Variants in TRAPPC11 observed in about 807,000 individuals in gnomAD.
The protein encoded by TRAPPC11 is trafficking protein particle complex subunit 11.
TRAPPC11 carries 104 observed loss-of-function variants against 151.2 expected under a neutral mutation model. That is an observed-to-expected ratio of 0.69 (90% confidence interval 0.59 to 0.81). The LOEUF is 0.81. Among genes scored for constraint, TRAPPC11 ranks in the 30% least tolerant of loss-of-function variants. The pLI is 0.00. For missense variants in TRAPPC11, 1,230 were observed against 1,349.6 expected (o/e 0.91, Z 1.39); for synonymous variants, 456 against 472.3 (o/e 0.97, Z 0.45).
In TRAPPC11 at chr4:183,665,095, T is replaced by C. The variant is rs568456085; in HGVS notation, c.204+1024T>C. ...ACGATTATTTTTCTTTTCTTTCTTT[T>C]TTTTTTTTTTTTTTTTTGAGACGGA... On this transcript the variant is annotated intron_variant, in intron 2 of 29. Coordinates refer to ENST00000334690, the MANE Select transcript of TRAPPC11 (RefSeq NM_021942.6). Among the ~76,000 whole-genome samples, 1,021 of 141,050 alleles carry C rather than the reference T, an allele frequency of 7.2e-3. 3 individuals are homozygous for C. Among genetic ancestry groups the C allele is most frequent in the Non-Finnish European group, 0.012 (800 of 64,690 alleles). The allele number at this position is 141,050 out of a possible 152,430, so 92.5% of individuals were successfully genotyped here. A position where few individuals can be genotyped will look rare whatever the true frequency, so the allele number is the denominator to read the frequency against.
At chr4:183,712,064 A>G (rs374189100) in intron 29 of TRAPPC11, among the ~76,000 whole-genome samples, 8 of 152,212 alleles carry the variant, frequency 5.3e-5, no homozygotes, top group African/African-American at 1.4e-4. Flanking sequence ...TTATCCTTGC[A>G]GCATGCATTG....
At chr4:183,676,105 G>A (rs1468510920) in intron 7 of TRAPPC11, among the ~76,000 whole-genome samples, 1 of 152,038 alleles carries the variant, frequency 6.6e-6, no homozygotes, top group Non-Finnish European at 1.5e-5. Flanking sequence ...GCACCAAGTT[G>A]TGTTTCCTGA....
intron 10 of TRAPPC11, among the ~76,000 whole-genome samples, chr4:183,681,132 GTA>G (rs919484203): frequency 3.3e-5 from 5 of 151,078 alleles, no homozygotes; most frequent in Non-Finnish European, 5.9e-5. Flanking sequence ...TAAGAACGTG[GTA>G]TATATATATA....
intron 26 of TRAPPC11, 92 bp from the exon 27 acceptor site, chr4:183,704,887 G>GTGAA (rs1428852988): frequency 4.6e-6 from 3 of 654,052 alleles, no homozygotes; most frequent in Non-Finnish European, 8.1e-6. Context: ...AAACTAGCTG[G>GTGAA]TGAATACATG....
Position 183,684,227 on chromosome 4 carries a change from T to G in TRAPPC11, c.1366+4T>G, listed in dbSNP as rs1415484150. The G allele has an allele frequency of 6.2e-7, 1 of 1,613,826 alleles. No homozygotes were observed. The highest frequency in any genetic ancestry group is 1.1e-5 in the South Asian group (1 of 91,076). ...CCGCGAATGAAAAGTCACCTAAGTA[T>G]GTATCCACAAACGTCACCATTGCAT... On this transcript the variant is annotated splice_donor_region_variant and intron_variant, in intron 13 of 29. Transcript: ENST00000334690.
chr4:183,680,327 G>C, intron 10 of TRAPPC11, 60 bp downstream of exon 10: 1 of 1,510,020 alleles, frequency 6.6e-7, no homozygotes. Context: ...TTTGAAAGAA[G>C]CTAGAACTGA....
rs146470172 is a variant in TRAPPC11, at chr4:183,680,233, G to A, written c.1079G>A (p.Arg360Gln). The stretch of plus-strand genomic sequence containing the variant: ...CAGGCAGCATACTATGCCCAGGAGC[G>A]GAAACAGCTTGCAAAAACCCTCTGT... ...YQQAAYYAQE[R>Q]KQLAKTLCNH... is the part of the protein sequence containing the mutation. Residue 360 changes from arginine (R) to glutamine (Q), a missense_variant, in exon 10 of 30, where the codon CGG becomes CAG. Transcript: ENST00000334690. The A allele has an allele frequency of 6.8e-6, 11 of 1,613,742 alleles. No individual in the cohort carries two copies. Among genetic ancestry groups the A allele is most frequent in the South Asian group, 2.2e-5 (2 of 91,034 alleles).
chr4:183,679,958 G>A lies in TRAPPC11; in HGVS notation c.966-162G>A, dbSNP rs62357992. 0.29 allele frequency among the ~76,000 whole-genome samples: 43,744 copies of A among 151,908 alleles called. 6,567 individuals carry two copies. Among genetic ancestry groups the A allele is most frequent in the African/African-American group, 0.38 (15,661 of 41,404 alleles). On this transcript the variant is annotated intron_variant, in intron 9 of 29. Transcript: ENST00000334690. ...AACCTATCTGTAACCTACAGTTAGT[G>A]TGTATTAATATTTACAAAGAAATTA...
At position 183,675,207 on chromosome 4, in the gene TRAPPC11, A is replaced by G; in HGVS notation, c.704A>G (p.Glu235Gly). 6.5e-7 allele frequency: 1 copy of G among 1,544,450 alleles called. No homozygotes were observed. The highest frequency in any genetic ancestry group is 8.7e-7 in the Non-Finnish European group (1 of 1,145,256). The change falls in exon 7 of 30, where the codon GAG becomes GGG. Residue 235 changes from glutamate to glycine, a missense_variant. Physicochemically the swap from Glu to Gly is moderately conservative, Grantham distance 98 (BLOSUM62 -2). Coordinates refer to ENST00000334690, the MANE Select transcript of TRAPPC11 (RefSeq NM_021942.6). ...RHQFKIAFFS[E>G]LKQDTQNALK... ...CAGTTCAAAATAGCTTTCTTCAGTG[A>G]GTTGAAACAAGATACACAAAATGCG...
rs558492981 is a variant in TRAPPC11, at chr4:183,683,756, T to A, written c.1208-219T>A. 7.6e-4 allele frequency: 419 copies of A among 549,912 alleles called. 3 individuals are homozygous for A. The highest frequency in any genetic ancestry group is 7.1e-3 in the African/African-American group (378 of 53,130). 34.1% of individuals were successfully genotyped at this position (549,912 alleles called of 1,614,324 possible). On this transcript the variant is annotated intron_variant, in intron 11 of 29. Transcript: ENST00000334690. ...TTTTCAGATCGTTGATTCCAGTAGG[T>A]AGAAGAACATTGAGCTCAATAATGT...
rs542059126 is a variant in TRAPPC11 at position 183,704,794 on chromosome 4, C to T, written c.2964-185C>T. On this transcript the variant is annotated intron_variant, in intron 26 of 29. Transcript: ENST00000334690. ...CGCCACTGCACTCCAGTCTGGGCAA[C>T]AGAGTGAGACTCTGTCTCAAAAAAA... 5.7e-4 allele frequency among the ~76,000 whole-genome samples: 86 copies of T among 152,094 alleles called. No individual in the cohort carries two copies. The Middle Eastern group carries it at 0.01, about 18-fold the overall frequency.
intron 23 of TRAPPC11, among the ~76,000 whole-genome samples, chr4:183,696,700 T>C: frequency 6.6e-6 from 1 of 152,152 alleles, no homozygotes; most frequent in East Asian, 1.9e-4. Context: ...CACCCCCCCA[T>C]TGTTTTTCTA....
chr4:183,675,327 T>A, intron 7 of TRAPPC11, 90 bp downstream of exon 7: 1 of 753,822 alleles, frequency 1.3e-6, no homozygotes, highest in Non-Finnish European at 2.0e-6. Flanking sequence ...AAAGTATAAT[T>A]AAGTTTAAAG....
In TRAPPC11 at chr4:183,666,318, A is replaced by T; in HGVS notation, c.266A>T (p.His89Leu). The T allele has an allele frequency of 6.2e-7, 1 of 1,614,198 alleles. No individual in the cohort carries two copies. Among genetic ancestry groups the T allele is most frequent in the Non-Finnish European group, 8.5e-7 (1 of 1,180,024 alleles). Residue 89 changes from histidine (H) to leucine (L), a missense_variant, in exon 3 of 30, where the codon CAT becomes CTT. His to Leu is a moderately conservative substitution (Grantham distance 99). Transcript: ENST00000334690. ...TTAAAGACTGGCTGGATGAATAAGC[A>T]TCTGAATCTGGTGCCAGCCCTGGTG... ...GILKTGWMNKHLNLVPALVVV... is the reference protein window; with the variant it reads ...GILKTGWMNKLLNLVPALVVV...
intron 2 of TRAPPC11, among the ~76,000 whole-genome samples, chr4:183,665,955 A>G (rs1024794409): frequency 2.1e-5 from 3 of 143,202 alleles, no homozygotes; most frequent in Non-Finnish European, 3.0e-5. Flanking sequence ...TTTCTTTAGC[A>G]AAGTATTTGA....
chr4:183,670,107 A>G (rs577000735), intron 5 of TRAPPC11, among the ~76,000 whole-genome samples: 1 of 152,350 alleles, frequency 6.6e-6, no homozygotes, highest in Non-Finnish European at 1.5e-5. Context: ...GAATATCAGG[A>G]CATCTTCATC....
At chr4:183,674,268 A>C (rs1021887900) in intron 5 of TRAPPC11, among the ~76,000 whole-genome samples, 3 of 151,982 alleles carry the variant, frequency 2.0e-5, no homozygotes, top group African/African-American at 7.3e-5. Context: ...AAATATAAAA[A>C]TTAGCTAGGC....
intron 5 of TRAPPC11, among the ~76,000 whole-genome samples, chr4:183,668,669 G>T (rs181517002): frequency 1.5e-4 from 23 of 152,238 alleles, no homozygotes; most frequent in Admixed American, 9.8e-4. Context: ...TCTTAGGAAG[G>T]TGTGAGCCCT....
chr4:183,674,941 C>A, intron 6 of TRAPPC11, 129 bp downstream of exon 6: 1 of 624,282 alleles, frequency 1.6e-6, no homozygotes. Flanking sequence ...TTTTTCAATG[C>A]TTTTAAAAAT....
Sources: allele counts gnomAD v4.1 joint callset (sites outside exome capture counted in the v4.1 genomes callset), GRCh38; gene constraint gnomAD v4.1.1; transcripts MANE v1.5; gene names NCBI Gene and HGNC (gene_info 2026-07-23, HGNC 2026-07-21).